RFC3: variants seen among roughly 807,000 people sequenced by gnomAD.
RFC3 encodes the protein replication factor C subunit 3.
Under a neutral mutation model 45.1 loss-of-function variants are expected in RFC3, and 41 were observed. The ratio of observed to expected loss-of-function variants is 0.91; its 90% CI spans 0.71 to 1.18. The LOEUF is 1.18. RFC3 is among the 50% of genes most tolerant of loss of function. The pLI is 0.00. For synonymous variants in RFC3, 149 were observed against 144.0 expected (o/e 1.03, Z -0.25); for missense variants, 423 against 428.1 (o/e 0.99, Z 0.10).
Position 33,909,135 on chromosome 13 carries a change from A to C in RFC3, c.880-56952A>C, listed in dbSNP as rs114303827. Among the ~76,000 whole-genome samples the C allele has an allele frequency of 6.7e-3, 1,015 of 152,250 alleles. 10 individuals carry two copies. Among genetic ancestry groups the C allele is most frequent in the African/African-American group, 0.023 (966 of 41,566 alleles). On this transcript the variant is annotated intron_variant, in intron 8 of 8. Coordinates refer to the RFC3 transcript ENST00000434425. ...TAGCTTTTCTCACATTGCCTAAAAGATGTTGAAACTACCTGTAATATACAT... is the reference window on the plus strand; with the variant it reads ...TAGCTTTTCTCACATTGCCTAAAAGCTGTTGAAACTACCTGTAATATACAT...
intron 8 of RFC3, among the ~76,000 whole-genome samples, chr13:33,882,528 A>G (rs2082491781): frequency 6.6e-6 from 1 of 152,174 alleles, no homozygotes; most frequent in South Asian, 2.1e-4. Context: ...AGAGACAGAA[A>G]AGGGTTTGCT....
intron 3 of RFC3, among the ~76,000 whole-genome samples, chr13:33,825,260 G>A (rs1043203043): frequency 7.9e-5 from 12 of 152,144 alleles, no homozygotes; most frequent in Admixed American, 4.6e-4. Flanking sequence ...TTGACTTTGT[G>A]TCTTAAACTC....
intron 8 of RFC3, among the ~76,000 whole-genome samples, chr13:33,922,090 G>A (rs1481504163): frequency 1.3e-5 from 2 of 151,734 alleles, no homozygotes; most frequent in Non-Finnish European, 2.9e-5. Flanking sequence ...GTGGTGCCTG[G>A]CATCATCCAC....
chr13:33,824,063 C>G (rs1264323856), intron 3 of RFC3, 79 bp downstream of exon 3: 1 of 677,852 alleles, frequency 1.5e-6, no homozygotes, highest in East Asian at 3.1e-5. Context: ...GATTGAAACC[C>G]TTTTTTGAAA....
At chr13:33,855,646 T>C (rs1566003671) in intron 8 of RFC3, among the ~76,000 whole-genome samples, 1 of 152,198 alleles carries the variant, frequency 6.6e-6, no homozygotes, top group Non-Finnish European at 1.5e-5. Context: ...TGGTTATTTT[T>C]TGATTTTTTA....
chr13:33,950,575 C>T (rs1393181217), intron 8 of RFC3, among the ~76,000 whole-genome samples: 1 of 152,144 alleles, frequency 6.6e-6, no homozygotes. Flanking sequence ...CTTGCCCCAG[C>T]CATGTTCCCT....
chr13:33,831,487 A>G (rs2139411533), intron 7 of RFC3, 133 bp downstream of exon 7: 2 of 515,846 alleles, frequency 3.9e-6, no homozygotes, highest in South Asian at 4.8e-5. Context: ...TTTAAGGAAA[A>G]TGTAGCATTT....
chr13:33,865,273 T>C (rs1051533019), intron 8 of RFC3, among the ~76,000 whole-genome samples: 3 of 152,112 alleles, frequency 2.0e-5, no homozygotes, highest in African/African-American at 7.2e-5. Context: ...ATTGTGGAAA[T>C]TGGGAAAGTA....
chr13:33,820,931 AT>A (rs1566375263), intron 1 of RFC3, among the ~76,000 whole-genome samples, 200 bp from the exon 2 acceptor site: 1 of 147,680 alleles, frequency 6.8e-6, no homozygotes, highest in Non-Finnish European at 1.5e-5. Context: ...ATATATATAT[AT>A]ATAAAAGATA....
chr13:33,945,440 G>T (rs2082948907), intron 8 of RFC3, among the ~76,000 whole-genome samples: 1 of 152,174 alleles, frequency 6.6e-6, no homozygotes, highest in Non-Finnish European at 1.5e-5. Context: ...AACTTGACAG[G>T]AGAGGATTAA....
intron 8 of RFC3, among the ~76,000 whole-genome samples, chr13:33,862,346 A>G (rs1206437836): frequency 6.6e-6 from 1 of 151,432 alleles, no homozygotes; most frequent in Non-Finnish European, 1.5e-5. Flanking sequence ...TGTGAAGTAT[A>G]ATTGCAATGA....
intron 8 of RFC3, chr13:33,847,425 A>G (rs1011283182): frequency 6.6e-6 from 1 of 152,168 alleles, no homozygotes; most frequent in Admixed American, 6.5e-5. Context: ...GATAATCTCT[A>G]GGAGGTGCTA....
At chr13:33,903,453 T>G (rs1018247878) in intron 8 of RFC3, among the ~76,000 whole-genome samples, 2 of 152,106 alleles carry the variant, frequency 1.3e-5, no homozygotes, top group African/African-American at 4.8e-5. Flanking sequence ...TTACCTTTTG[T>G]TTTAAGTGAA....
intron 8 of RFC3, among the ~76,000 whole-genome samples, chr13:33,885,073 A>G (rs1156407796): frequency 6.6e-6 from 1 of 152,126 alleles, no homozygotes; most frequent in Non-Finnish European, 1.5e-5. Flanking sequence ...GAACGGAGCC[A>G]CCTTTGAGCC....
intron 8 of RFC3, among the ~76,000 whole-genome samples, chr13:33,933,787 A>G (rs551220843): frequency 6.6e-6 from 1 of 152,230 alleles, no homozygotes; most frequent in South Asian, 2.1e-4. Context: ...TTTTATTAAG[A>G]GAGAGAAATA....
intron 7 of RFC3, among the ~76,000 whole-genome samples, chr13:33,833,223 C>T (rs3135620): frequency 0.034 from 5,099 of 152,088 alleles, 149 homozygotes; most frequent in East Asian, 0.14. Context: ...TTTGTGGTCT[C>T]GATTTTTCAT....
At chr13:33,955,278 C>G (rs1015807932) in intron 8 of RFC3, among the ~76,000 whole-genome samples, 7 of 152,058 alleles carry the variant, frequency 4.6e-5, no homozygotes, top group Admixed American at 1.3e-4. Context: ...GAAGCAGTTG[C>G]AAGAGATAAA....
chr13:33,909,662 G>T (rs1235559264), intron 8 of RFC3, among the ~76,000 whole-genome samples: 1 of 151,984 alleles, frequency 6.6e-6, no homozygotes, highest in Non-Finnish European at 1.5e-5. Context: ...GCCCTAGGTT[G>T]TTCTTTCTTC....
At chr13:33,918,134 A>G (rs2082745142) in intron 8 of RFC3, among the ~76,000 whole-genome samples, 1 of 152,092 alleles carries the variant, frequency 6.6e-6, no homozygotes, top group African/African-American at 2.4e-5. Flanking sequence ...TAGTGCTTCA[A>G]CCTAGGTCCT....
Sources: allele counts gnomAD v4.1 joint callset (sites outside exome capture counted in the v4.1 genomes callset), GRCh38; gene constraint gnomAD v4.1.1; transcripts MANE v1.5; gene names NCBI Gene and HGNC (gene_info 2026-07-23, HGNC 2026-07-21).